FAXC: variants seen among roughly 807,000 people sequenced by gnomAD.
FAXC encodes the protein failed axon connections homolog, metaxin like GST domain containing.
In FAXC, 10 loss-of-function variants were observed where a neutral mutation model predicts 41.9. The ratio of observed to expected loss-of-function variants is 0.24; its 90% CI spans 0.15 to 0.41. The LOEUF is 0.41. Ranked by LOEUF, FAXC falls within the 10% of genes least tolerant of loss-of-function variation. FAXC has a pLI of 1.00. For synonymous variants in FAXC, 183 were observed against 183.8 expected, an observed-to-expected ratio of 1.00 and a Z score of 0.03; for missense variants, 399 against 510.9, an observed-to-expected ratio of 0.78 and a Z score of 2.11.
chr6:99,304,564 C>T (rs1262584769), intron 4 of FAXC, among the ~76,000 whole-genome samples: 1 of 152,162 alleles, frequency 6.6e-6, no homozygotes, highest in East Asian at 1.9e-4. Context: ...TTCTAACAGG[C>T]TTCTGAAACT....
At chr6:99,312,340 A>G (rs1291082925) in intron 4 of FAXC, among the ~76,000 whole-genome samples, 1 of 152,240 alleles carries the variant, frequency 6.6e-6, no homozygotes, top group Admixed American at 6.5e-5. Flanking sequence ...ACTGAACTCC[A>G]ACCTGGTGAC....
At chr6:99,293,665 A>AGTGTGTGTGTGTGTGTGT (rs55827992) in intron 4 of FAXC, among the ~76,000 whole-genome samples, 1 of 123,170 alleles carries the variant, frequency 8.1e-6, no homozygotes, top group Admixed American at 8.0e-5. Context: ...CTCTATACAC[A>AGTGTGTGTGTGTGTGTGT]GTGTGTGTGT....
chr6:99,324,310 C>A (rs1287620493), intron 3 of FAXC, among the ~76,000 whole-genome samples: 4 of 152,092 alleles, frequency 2.6e-5, no homozygotes, highest in African/African-American at 9.7e-5. Flanking sequence ...TCAAGTGATT[C>A]CCCCACGTCA....
chr6:99,333,552 G>A lies in FAXC; in HGVS notation c.403-5C>T. ...GAGTTTTCCACCAAAATAGTTCTAAGCAGAGTACATTTTTAAAAAGAGAAA... is the reference window on the plus strand; with the variant it reads ...GAGTTTTCCACCAAAATAGTTCTAAACAGAGTACATTTTTAAAAAGAGAAA... On this transcript the variant is annotated splice_region_variant and splice_polypyrimidine_tract_variant and intron_variant, in intron 2 of 5. Coordinates refer to ENST00000389677, the MANE Select transcript of FAXC (RefSeq NM_032511.4). 6.3e-7 allele frequency: 1 copy of A among 1,582,942 alleles called. No individual in the cohort carries two copies. Among genetic ancestry groups the A allele is most frequent in the South Asian group, 1.2e-5 (1 of 85,852 alleles).
intron 4 of FAXC, among the ~76,000 whole-genome samples, chr6:99,316,106 G>T (rs1287521869): frequency 1.3e-5 from 2 of 152,088 alleles, no homozygotes; most frequent in Non-Finnish European, 2.9e-5. Context: ...AGCTTTAAGG[G>T]GTCAGTAGAG....
chr6:99,313,301 T>A (rs888151203), intron 4 of FAXC, among the ~76,000 whole-genome samples: 14 of 152,160 alleles, frequency 9.2e-5, no homozygotes, highest in African/African-American at 3.1e-4. Context: ...TCAACAAAAA[T>A]AAGTAAACAA....
At chr6:99,331,534 G>A (rs1773024096) in intron 3 of FAXC, among the ~76,000 whole-genome samples, 1 of 152,210 alleles carries the variant, frequency 6.6e-6, no homozygotes, top group South Asian at 2.1e-4. Flanking sequence ...ATAGTGATGT[G>A]TGGTAGTTGG....
At position 99,303,602 on chromosome 6, in the gene FAXC, T is replaced by C. The variant is rs115876955; in HGVS notation, c.824-11782A>G. Among the ~76,000 whole-genome samples the C allele has an allele frequency of 2.0e-5, 3 of 152,326 alleles. No homozygotes were observed. In the East Asian group the frequency reaches 5.8e-4, roughly 29 times the overall value. ...CATGACAAGTTAGGCCCTTATGTTC[T>C]CTTAAGAGAATGCCCAAGGTTAGAA... is the stretch of plus-strand genomic sequence containing the variant. On this transcript the variant is annotated intron_variant, in intron 4 of 5. Transcript: ENST00000389677.
At chr6:99,308,203 A>G (rs1349475699) in intron 4 of FAXC, among the ~76,000 whole-genome samples, 1 of 152,218 alleles carries the variant, frequency 6.6e-6, no homozygotes, top group Non-Finnish European at 1.5e-5. Context: ...AGGCTGAGGC[A>G]GGAGAATTGC....
chr6:99,314,448 C>T (rs1189225076), intron 4 of FAXC, among the ~76,000 whole-genome samples: 5 of 152,182 alleles, frequency 3.3e-5, no homozygotes, highest in African/African-American at 4.8e-5. Context: ...GTAGCACACG[C>T]CTGTGGTCCC....
At chr6:99,293,664 CAGTGTGTGTG>C (rs1771334416) in intron 4 of FAXC, among the ~76,000 whole-genome samples, 1 of 101,056 alleles carries the variant, frequency 9.9e-6, no homozygotes, top group Admixed American at 9.3e-5. Flanking sequence ...GCTCTATACA[CAGTGTGTGTG>C]TGTGTGTGTG....
intron 1 of FAXC, among the ~76,000 whole-genome samples, chr6:99,347,635 ACTTGGTCCTGTGAAGC>A (rs1773650025): frequency 2.0e-5 from 3 of 152,148 alleles, no homozygotes; most frequent in African/African-American, 7.2e-5. Context: ...TTTGTTTTAA[ACTTGGTCCTGTGAAGC>A]CTTCACTCCC....
chr6:99,290,561 G>A (rs745601228), intron 5 of FAXC, among the ~76,000 whole-genome samples: 3 of 151,672 alleles, frequency 2.0e-5, no homozygotes, highest in Admixed American at 2.0e-4. Flanking sequence ...AATTAGCCGG[G>A]CATGGTGTTG....
intron 4 of FAXC, among the ~76,000 whole-genome samples, chr6:99,305,448 C>A (rs987155435): frequency 2.4e-4 from 36 of 152,120 alleles, no homozygotes; most frequent in African/African-American, 8.7e-4. Flanking sequence ...CTGACCCCCA[C>A]CCCTTATTAG....
intron 4 of FAXC, among the ~76,000 whole-genome samples, chr6:99,319,224 C>T (rs1019776074): frequency 3.9e-5 from 6 of 152,000 alleles, no homozygotes; most frequent in African/African-American, 2.4e-5. Flanking sequence ...GGTGAAACCC[C>T]GTCTCTACTA....
chr6:99,303,316 G>A (rs1378741423), intron 4 of FAXC, among the ~76,000 whole-genome samples: 1 of 152,152 alleles, frequency 6.6e-6, no homozygotes, highest in Non-Finnish European at 1.5e-5. Flanking sequence ...CCAGTGCCCA[G>A]TATACTGTAG....
chr6:99,349,344 G>C lies in FAXC; in HGVS notation c.29C>G (p.Ser10Cys). 1 of 1,612,538 alleles carries C rather than the reference G, an allele frequency of 6.2e-7. No homozygotes were observed. The highest frequency in any genetic ancestry group is 8.5e-7 in the Non-Finnish European group (1 of 1,179,856). Residue 10 changes from serine to cysteine, a missense_variant, in exon 1 of 6, where the codon TCC becomes TGC. By Grantham distance (112) the Ser-to-Cys change is moderately radical (BLOSUM62 -1). Transcript: ENST00000389677. ...GCTCAGATCCACCACGCACGGCCTG[G>C]ACGAAGCAAAGCCAACCCCCCAGTG... is the stretch of plus-strand genomic sequence containing the variant. MHWGVGFAS[S>C]RPCVVDLSWN... is the part of the protein sequence containing the mutation.
chr6:99,282,208 T>C (rs1054961330), intron 5 of FAXC, among the ~76,000 whole-genome samples: 5 of 152,220 alleles, frequency 3.3e-5, no homozygotes, highest in African/African-American at 9.6e-5. Context: ...TTGGTTCATA[T>C]ATAAATTAAT....
intron 2 of FAXC, among the ~76,000 whole-genome samples, chr6:99,341,382 G>C (rs1049759625): frequency 2.6e-5 from 4 of 152,022 alleles, no homozygotes; most frequent in Non-Finnish European, 5.9e-5. Context: ...CAAAAAGAGA[G>C]AGGGCGAGAA....
Sources: allele counts gnomAD v4.1 joint callset (sites outside exome capture counted in the v4.1 genomes callset), GRCh38; gene constraint gnomAD v4.1.1; transcripts MANE v1.5; gene names NCBI Gene and HGNC (gene_info 2026-07-23, HGNC 2026-07-21).